The following CACNA1B variants were observed in gnomAD, a reference collection of about 807,000 sequenced individuals.
CACNA1B encodes calcium voltage-gated channel subunit alpha1 B, also known as voltage-dependent N-type calcium channel subunit alpha-1B.
A neutral mutation model predicts 247.2 loss-of-function variants in CACNA1B; 70 were observed. The ratio of observed to expected loss-of-function variants is 0.28; its 90% confidence interval spans 0.23 to 0.35. CACNA1B has a LOEUF of 0.35. Among genes scored for constraint, CACNA1B ranks in the 10% least tolerant of loss-of-function variants. The pLI is 1.00. For synonymous variants in CACNA1B, 1,231 were observed against 1,294.4 expected, an observed-to-expected ratio of 0.95 and a Z score of 1.05; for missense variants, 2,367 against 3,197.4, an observed-to-expected ratio of 0.74 and a Z score of 6.26.
intron 6 of CACNA1B, among the ~76,000 whole-genome samples, chr9:137,936,058 C>T (rs1316951149): frequency 6.6e-6 from 1 of 152,170 alleles, no homozygotes; most frequent in Non-Finnish European, 1.5e-5. Flanking sequence ...GGGGTTTCAC[C>T]GTGTTAGCCA....
rs1427023300 is a variant in CACNA1B at position 137,986,094 on chromosome 9, G to A, written c.1770-319G>A. Among the ~76,000 whole-genome samples the A allele has an allele frequency of 6.6e-6, 1 of 152,210 alleles. No individual in the cohort carries two copies. The highest frequency in any genetic ancestry group is 1.5e-5 in the Non-Finnish European group (1 of 68,046). On this transcript the variant is annotated intron_variant, in intron 13 of 46. Transcript: ENST00000371372. The surrounding 1 kb of genome is among the most constrained non-coding windows in gnomAD (Gnocchi z 6.0). ...TGTTGAGGAGTGAGGGGCAGGGAGGGGCCGAGGATGAAGTTTGGGATTGGG... is the reference window on the plus strand; with the variant it reads ...TGTTGAGGAGTGAGGGGCAGGGAGGAGCCGAGGATGAAGTTTGGGATTGGG...
intron 39 of CACNA1B, among the ~76,000 whole-genome samples, chr9:138,110,496 G>C (rs1354801816): frequency 6.6e-6 from 1 of 152,166 alleles, no homozygotes; most frequent in Admixed American, 6.5e-5. Context: ...GAGAGAAGAG[G>C]TGGGAAGATT....
chr9:138,092,816 A>G (rs1589123734), intron 36 of CACNA1B, among the ~76,000 whole-genome samples: 2 of 152,190 alleles, frequency 1.3e-5, no homozygotes, highest in Admixed American at 6.5e-5. Context: ...AATCTTCACA[A>G]TTTATGTTCT....
At chr9:138,120,960 C>G (rs1962071290) in intron 46 of CACNA1B, 79 bp downstream of exon 46, 2 of 1,450,844 alleles carry the variant, frequency 1.4e-6, no homozygotes, top group Non-Finnish European at 1.8e-6. Flanking sequence ...GCTCCTGCCT[C>G]TCCCCAGGGC....
At chr9:138,071,429 C>G (rs149367753) in intron 32 of CACNA1B, among the ~76,000 whole-genome samples, 2 of 152,164 alleles carry the variant, frequency 1.3e-5, no homozygotes, top group South Asian at 2.1e-4. Context: ...CACGGCGTGG[C>G]GCTGCGTGTG....
chr9:137,893,312 T>G (rs1169587379), intron 3 of CACNA1B, among the ~76,000 whole-genome samples: 1 of 142,538 alleles, frequency 7.0e-6, no homozygotes, highest in Non-Finnish European at 1.5e-5. Context: ...AATAATTTTA[T>G]AAATCCAAGA....
rs1003789847 is a variant in CACNA1B, at chr9:138,123,561, TGTGTG to T, written c.*1563_*1567del. 2.1e-3 allele frequency: 3 copies of T among 1,436 alleles called. No individual in the cohort carries two copies. In the Admixed American group the frequency reaches 0.071, roughly 34 times the overall value. 0.1% of individuals were successfully genotyped at this position (1,436 alleles called of 1,614,324 possible). On this transcript the variant is annotated 3_prime_UTR_variant, in exon 47 of 47. Transcript: ENST00000371372. ...TTCTCCTCAAAGAAATTGTGTGTGATGTGTGTGTGTGTGTGTGTGTGTGTGTGTCT... is the reference window on the plus strand; with the variant it reads ...TTCTCCTCAAAGAAATTGTGTGTGATTGTGTGTGTGTGTGTGTGTGTGTCT...
At chr9:137,941,887 A>G (rs1378906438) in intron 6 of CACNA1B, among the ~76,000 whole-genome samples, 4 of 152,186 alleles carry the variant, frequency 2.6e-5, no homozygotes, top group Non-Finnish European at 2.9e-5. Context: ...AGAAGATAAC[A>G]TTGGAAAAAC....
intron 21 of CACNA1B, among the ~76,000 whole-genome samples, chr9:138,044,152 C>T (rs893056352): frequency 6.6e-6 from 1 of 152,226 alleles, no homozygotes; most frequent in African/African-American, 2.4e-5. Flanking sequence ...CTGTGGTGTG[C>T]GTGTGTCTCT....
At chr9:137,970,444 C>A (rs1958132990) in intron 10 of CACNA1B, among the ~76,000 whole-genome samples, 1 of 152,340 alleles carries the variant, frequency 6.6e-6, no homozygotes, top group South Asian at 2.1e-4. Context: ...TCAAGCCCCT[C>A]TCAGTGTGAG....
rs774818341 is a variant in CACNA1B, at chr9:137,882,893, C to T, written c.530+10C>T. 4 of 1,613,292 alleles carry T rather than the reference C, an allele frequency of 2.5e-6. No homozygotes were observed. Among genetic ancestry groups the T allele is most frequent in the Non-Finnish European group, 2.5e-6 (3 of 1,179,500 alleles). ...TGGTCGTCCTCACAGGGTAGGCAAG[C>T]TGAGGCCAGGAGGCCCAGCGTGTGA... On this transcript the variant is annotated intron_variant, in intron 3 of 46. Coordinates refer to ENST00000371372, the MANE Select transcript of CACNA1B (RefSeq NM_000718.4). This position sits in a 1 kb window ranked among gnomAD's most constrained non-coding sequence, Gnocchi z 4.0.
intron 6 of CACNA1B, among the ~76,000 whole-genome samples, chr9:137,939,103 C>T (rs1157469687): frequency 6.6e-6 from 1 of 152,156 alleles, no homozygotes; most frequent in East Asian, 1.9e-4. Context: ...ATGAGATACA[C>T]AGCAACACAA....
chr9:137,904,030 AC>A (rs1314106530), intron 3 of CACNA1B, among the ~76,000 whole-genome samples: 6 of 152,160 alleles, frequency 3.9e-5, no homozygotes, highest in African/African-American at 1.4e-4. Context: ...TGATTACGGT[AC>A]CTGGAGGTTG....
chr9:137,925,956 A>T (rs1157629546), intron 6 of CACNA1B, among the ~76,000 whole-genome samples: 1 of 139,324 alleles, frequency 7.2e-6, no homozygotes, highest in Non-Finnish European at 1.5e-5. Flanking sequence ...GGATTTCGCC[A>T]TGTTGGCCAG....
At chr9:137,960,381 G>GAGGTAGGGGAGCGGGAA (rs1958003111) in intron 10 of CACNA1B, among the ~76,000 whole-genome samples, 1 of 142,032 alleles carries the variant, frequency 7.0e-6, no homozygotes, top group Non-Finnish European at 1.5e-5. Context: ...GGTGGGGTGT[G>GAGGTAGGGGAGCGGGAA]GGGGAGGTTG....
Position 137,888,460 on chromosome 9 carries a change from G to C in CACNA1B, c.530+5577G>C, listed in dbSNP as rs1293709913. On this transcript the variant is annotated intron_variant, in intron 3 of 46. Coordinates refer to ENST00000371372, the MANE Select transcript of CACNA1B (RefSeq NM_000718.4). The surrounding 1 kb of genome is among the most constrained non-coding windows in gnomAD (Gnocchi z 4.7). The stretch of plus-strand genomic sequence containing the variant: ...CCCCCAGAACCCCAAAGCCCTGCGC[G>C]TCCCCACCCCTGTTGTGGCTCCAGC... 6.6e-6 allele frequency among the ~76,000 whole-genome samples: 1 copy of C among 152,216 alleles called. No homozygotes were observed. The highest frequency in any genetic ancestry group is 1.5e-5 in the Non-Finnish European group (1 of 68,044).
At chr9:138,097,759 C>T (rs761689123) in intron 37 of CACNA1B, among the ~76,000 whole-genome samples, 25 of 152,198 alleles carry the variant, frequency 1.6e-4, no homozygotes, top group Non-Finnish European at 2.6e-4. Context: ...GCCGGCAGGA[C>T]GTGGTCAGAC....
chr9:138,091,334 A>T (rs1554756965), intron 36 of CACNA1B, among the ~76,000 whole-genome samples: 1 of 152,212 alleles, frequency 6.6e-6, no homozygotes, highest in Non-Finnish European at 1.5e-5. Context: ...AGCTAAAAAA[A>T]AATTGCTCTC....
At chr9:137,991,740 A>G (rs565702573) in intron 15 of CACNA1B, among the ~76,000 whole-genome samples, 1 of 152,250 alleles carries the variant, frequency 6.6e-6, no homozygotes, top group African/African-American at 2.4e-5. Flanking sequence ...AGATTTCTCA[A>G]CAGAAACCCT....
Sources: gnomAD v4.1 joint callset for allele counts (sites outside exome capture counted in the v4.1 genomes callset) on GRCh38, gnomAD v4.1.1 for gene constraint, Gnocchi (gnomAD v3.1) non-coding constraint, MANE v1.5 for transcripts, NCBI Gene and HGNC (gene_info 2026-07-23, HGNC 2026-07-21) for gene names.